The following KREMEN1 variants were observed in gnomAD, a reference collection of about 807,000 sequenced individuals.
KREMEN1 encodes the protein kremen protein 1.
KREMEN1 carries 30 observed loss-of-function variants against 46.5 expected under a neutral mutation model. The ratio of observed to expected loss-of-function variants is 0.65; its 90% CI spans 0.48 to 0.88. The LOEUF is 0.88. Among genes scored for constraint, KREMEN1 ranks in the 40% least tolerant of loss-of-function variants. The probability of loss-of-function intolerance (pLI) is 0.00; values close to 1 mark genes in which losing one functional copy is unlikely to be tolerated. For missense variants in KREMEN1, 533 were observed against 596.9 expected (o/e 0.89, Z 1.11); for synonymous variants, 214 against 230.6 (o/e 0.93, Z 0.65).
chr22:29,136,744 T>C (rs567761309), intron 5 of KREMEN1, among the ~76,000 whole-genome samples: 12 of 152,072 alleles, frequency 7.9e-5, no homozygotes, highest in African/African-American at 2.9e-4. Flanking sequence ...CAGTACAGAG[T>C]GCTCAGAATC....
At chr22:29,166,356 C>T (rs2039052660) in intron 9 of KREMEN1, among the ~76,000 whole-genome samples, 1 of 152,074 alleles carries the variant, frequency 6.6e-6, no homozygotes, top group African/African-American at 2.4e-5. Context: ...TGGTCATGCA[C>T]CTGCTGGACA....
intron 3 of KREMEN1, among the ~76,000 whole-genome samples, chr22:29,108,758 C>A (rs1215243578): frequency 1.3e-5 from 2 of 152,204 alleles, no homozygotes; most frequent in African/African-American, 4.8e-5. Context: ...CCTGTTGCAG[C>A]ACTGAACTCG....
intron 2 of KREMEN1, among the ~76,000 whole-genome samples, chr22:29,095,414 G>T (rs745849459): frequency 6.6e-6 from 1 of 152,176 alleles, no homozygotes; most frequent in Non-Finnish European, 1.5e-5. Flanking sequence ...GGTATGTAGG[G>T]TCCAGAACAA....
At chr22:29,166,187 C>T (rs909112507) in intron 9 of KREMEN1, among the ~76,000 whole-genome samples, 3 of 152,122 alleles carry the variant, frequency 2.0e-5, no homozygotes, top group African/African-American at 7.2e-5. Flanking sequence ...CATGCACACT[C>T]GCCTCCTAGT....
At chr22:29,136,840 G>A (rs2038665637) in intron 5 of KREMEN1, among the ~76,000 whole-genome samples, 1 of 152,204 alleles carries the variant, frequency 6.6e-6, no homozygotes, top group Non-Finnish European at 1.5e-5. Flanking sequence ...AGCGTTGCAT[G>A]GGTACTGGGG....
chr22:29,142,086 G>A lies in KREMEN1; in HGVS notation c.1351G>A (p.Asp451Asn), dbSNP rs1235533734. ...KKLKGQSQQD[D>N]RNPLVSD ...ACTCAAGGGTCAGAGTCAACAAGATGACCGCAATCCCCTTGTGAGTGACTA... is the reference window on the plus strand; with the variant it reads ...ACTCAAGGGTCAGAGTCAACAAGATAACCGCAATCCCCTTGTGAGTGACTA... Residue 451 changes from aspartate to asparagine, a missense_variant, in exon 9 of 9, where the codon GAC (aspartate) becomes AAC (asparagine). Coordinates refer to ENST00000400335, the MANE Select transcript of KREMEN1 (RefSeq NM_001039570.3). The A allele has an allele frequency of 6.2e-7, 1 of 1,610,540 alleles. No homozygotes were observed. The highest frequency in any genetic ancestry group is 1.7e-5 in the Admixed American group (1 of 59,552).
At chr22:29,108,574 T>G (rs537859023) in intron 3 of KREMEN1, among the ~76,000 whole-genome samples, 87 of 152,350 alleles carry the variant, frequency 5.7e-4, no homozygotes, top group African/African-American at 2.1e-3. Context: ...CCAACAGGTA[T>G]TGTGATGGTA....
In KREMEN1 at chr22:29,144,024, C is replaced by T; in HGVS notation, c.*1912C>T. On this transcript the variant is annotated 3_prime_UTR_variant, in exon 9 of 9. Coordinates refer to ENST00000400335, the MANE Select transcript of KREMEN1 (RefSeq NM_001039570.3). ...GCCATCACTAATTTAAAAGTCCTTGCCATCTGGAATCAGGCTTTGTCAACA... is the reference window on the plus strand; with the variant it reads ...GCCATCACTAATTTAAAAGTCCTTGTCATCTGGAATCAGGCTTTGTCAACA... 1 of 985,580 alleles carries T rather than the reference C, an allele frequency of 1.0e-6. No individual in the cohort carries two copies. Among genetic ancestry groups the T allele is most frequent in the Non-Finnish European group, 1.2e-6 (1 of 830,038 alleles). The allele number at this position is 985,580 out of a possible 1,614,324, so 61.1% of individuals were successfully genotyped here.
At chr22:29,166,324 G>A (rs2039052445) in intron 9 of KREMEN1, among the ~76,000 whole-genome samples, 1 of 152,002 alleles carries the variant, frequency 6.6e-6, no homozygotes, top group African/African-American at 2.4e-5. Flanking sequence ...GAGAGACATG[G>A]TGTCTGCTCG....
chr22:29,147,700 G>A (rs560840478), downstream of KREMEN1, among the ~76,000 whole-genome samples: 5 of 152,322 alleles, frequency 3.3e-5, no homozygotes, highest in South Asian at 4.1e-4. Flanking sequence ...GAAACCAGTC[G>A]GGAGACTCTA....
At chr22:29,152,394 C>G (rs2038921894) in intron 9 of KREMEN1, among the ~76,000 whole-genome samples, 2 of 152,224 alleles carry the variant, frequency 1.3e-5, no homozygotes, top group African/African-American at 4.8e-5. Context: ...TTCCTTGTTC[C>G]CCTCTGCTAA....
chr22:29,095,822 T>C (rs7287244), intron 2 of KREMEN1, among the ~76,000 whole-genome samples: 4,793 of 152,180 alleles, frequency 0.031, 273 homozygotes, highest in African/African-American at 0.11. Flanking sequence ...CATTCCCTCC[T>C]AGTTGCTATT....
In KREMEN1 at chr22:29,146,659, T is replaced by G; in HGVS notation, c.*4547T>G. ...AGAATAAAATAGAAACATCATGTAT[T>G]TTAAAATATAAGATGAAGTGTGACG... On this transcript the variant is annotated 3_prime_UTR_variant, in exon 9 of 9. Coordinates refer to ENST00000400335, the MANE Select transcript of KREMEN1 (RefSeq NM_001039570.3). 1 of 959,272 alleles carries G rather than the reference T, an allele frequency of 1.0e-6. No homozygotes were observed. The highest frequency in any genetic ancestry group is 1.2e-6 in the Non-Finnish European group (1 of 805,852). 59.4% of individuals were successfully genotyped at this position (959,272 alleles called of 1,614,324 possible). A position where few individuals can be genotyped will look rare whatever the true frequency, so the allele number is the denominator to read the frequency against.
intron 1 of KREMEN1, among the ~76,000 whole-genome samples, chr22:29,082,397 T>G (rs1426715741): frequency 6.6e-6 from 1 of 152,164 alleles, no homozygotes; most frequent in Non-Finnish European, 1.5e-5. Flanking sequence ...CTGGTTTAAA[T>G]AGCAAATATT....
rs890170459 is a variant in KREMEN1, at chr22:29,133,164, C to T, written c.632-4178C>T. On this transcript the variant is annotated intron_variant, in intron 5 of 8. Coordinates refer to ENST00000400335, the MANE Select transcript of KREMEN1 (RefSeq NM_001039570.3). ...TTGGGAGGCTGAGGCAGGAGAATGG[C>T]GTGAACCCAGGAGGTGAAGCTTGCA... 3.3e-5 allele frequency among the ~76,000 whole-genome samples: 5 copies of T among 149,640 alleles called. No individual in the cohort carries two copies. The East Asian group carries it at 9.9e-4, about 30-fold the overall frequency.
In KREMEN1 at chr22:29,125,244, T is replaced by A; in HGVS notation, c.478-19T>A. ...ATCCCTGATGATGCTTACCGTGTGC[T>A]GCTTCTCTGTTGTGGCAGTTTGCTG... On this transcript the variant is annotated intron_variant, in intron 4 of 8. Transcript: ENST00000400335. The A allele has an allele frequency of 6.2e-7, 1 of 1,613,596 alleles. No homozygotes were observed. The highest frequency in any genetic ancestry group is 8.5e-7 in the Non-Finnish European group (1 of 1,179,570).
At chr22:29,108,462 T>C (rs1378131241) in intron 3 of KREMEN1, among the ~76,000 whole-genome samples, 1 of 152,204 alleles carries the variant, frequency 6.6e-6, no homozygotes, top group Non-Finnish European at 1.5e-5. Context: ...CAGTTGTGCC[T>C]GGGTTTCCTC....
At chr22:29,105,464 C>CACACACACAT (rs1491495872) in intron 3 of KREMEN1, among the ~76,000 whole-genome samples, 1 of 122,340 alleles carries the variant, frequency 8.2e-6, no homozygotes, top group Non-Finnish European at 1.7e-5. Context: ...TGCGTGTGCG[C>CACACACACAT]ACACACACAC....
chr22:29,074,150 G>C (rs2037527764), intron 1 of KREMEN1, among the ~76,000 whole-genome samples: 5 of 152,246 alleles, frequency 3.3e-5, no homozygotes, highest in Admixed American at 3.3e-4. Context: ...CGCGAGGAAC[G>C]GGATGGACTT....
Sources: allele counts gnomAD v4.1 joint callset (sites outside exome capture counted in the v4.1 genomes callset), GRCh38; gene constraint gnomAD v4.1.1; transcripts MANE v1.5; gene names NCBI Gene and HGNC (gene_info 2026-07-23, HGNC 2026-07-21).